The following RASAL2 variants were observed in gnomAD, a reference collection of about 807,000 sequenced individuals.
RASAL2 encodes the protein ras GTPase-activating protein nGAP.
A neutral mutation model predicts 128.9 loss-of-function variants in RASAL2; 58 were observed. That is an observed-to-expected ratio of 0.45 (90% CI 0.36 to 0.56). The LOEUF (loss-of-function observed/expected upper bound fraction) is 0.56. RASAL2 is among the 20% of genes least tolerant of loss of function. The pLI is 0.00. For synonymous variants in RASAL2, 561 were observed against 580.8 expected (o/e 0.97, Z 0.49); for missense variants, 1,360 against 1,601.6 (o/e 0.85, Z 2.57).
chr1:178,470,427 C>G (rs1211425023), intron 17 of RASAL2, among the ~76,000 whole-genome samples: 1 of 152,192 alleles, frequency 6.6e-6, no homozygotes, highest in Non-Finnish European at 1.5e-5. Flanking sequence ...GATGAGCACT[C>G]CTTTGGTGAG....
intron 1 of RASAL2, among the ~76,000 whole-genome samples, chr1:178,139,482 T>TTTTTG (rs1230781771): frequency 3.3e-5 from 5 of 152,070 alleles, no homozygotes; most frequent in Non-Finnish European, 5.9e-5. Flanking sequence ...ATAACAGTGT[T>TTTTTG]TTTGAATTTT....
intron 1 of RASAL2, among the ~76,000 whole-genome samples, chr1:178,265,963 G>A (rs1165007210): frequency 6.6e-6 from 1 of 152,052 alleles, no homozygotes; most frequent in Non-Finnish European, 1.5e-5. Flanking sequence ...CTGGTATATA[G>A]TATTTCATTT....
At chr1:178,171,657 A>G (rs1473852896) in intron 1 of RASAL2, among the ~76,000 whole-genome samples, 4 of 151,936 alleles carry the variant, frequency 2.6e-5, no homozygotes. Flanking sequence ...AGCTATTTTA[A>G]TGAGGTGGCC....
chr1:178,184,671 A>G (rs1047098613), intron 1 of RASAL2, among the ~76,000 whole-genome samples: 4 of 151,826 alleles, frequency 2.6e-5, no homozygotes, highest in African/African-American at 9.7e-5. Flanking sequence ...ATTCTGTTTC[A>G]TTGCTTTTTC....
At chr1:178,364,263 C>T (rs1671282220) in intron 3 of RASAL2, among the ~76,000 whole-genome samples, 1 of 152,042 alleles carries the variant, frequency 6.6e-6, no homozygotes, top group South Asian at 2.1e-4. Flanking sequence ...CCCTTCATAC[C>T]TCACCCAAAA....
intron 5 of RASAL2, among the ~76,000 whole-genome samples, chr1:178,424,489 T>G (rs986373223): frequency 6.6e-6 from 1 of 152,100 alleles, no homozygotes; most frequent in Non-Finnish European, 1.5e-5. Context: ...TGAGACAGTG[T>G]CTTGTTCTGT....
chr1:178,353,021 G>A (rs964747313), intron 3 of RASAL2, among the ~76,000 whole-genome samples: 2 of 152,236 alleles, frequency 1.3e-5, no homozygotes, highest in Non-Finnish European at 1.5e-5. Flanking sequence ...GATGGGAGGG[G>A]CTGCTGCCAA....
chr1:178,110,311 C>A (rs1659250070), intron 1 of RASAL2, among the ~76,000 whole-genome samples: 2 of 151,712 alleles, frequency 1.3e-5, no homozygotes, highest in Admixed American at 6.6e-5. Flanking sequence ...GGATTGGTTC[C>A]AGGGTCCCAA....
intron 3 of RASAL2, among the ~76,000 whole-genome samples, chr1:178,309,898 T>C (rs1364759181): frequency 7.0e-6 from 1 of 142,842 alleles, no homozygotes; most frequent in Non-Finnish European, 1.5e-5. Context: ...GATAGAATGT[T>C]GTTACAACAG....
chr1:178,108,143 C>A (rs1456839732), intron 1 of RASAL2, among the ~76,000 whole-genome samples: 3 of 152,130 alleles, frequency 2.0e-5, no homozygotes, highest in Non-Finnish European at 2.9e-5. Context: ...TTTAACCATC[C>A]TAGTAGGTGT....
chr1:178,441,040 G>A (rs1034271734), intron 6 of RASAL2, among the ~76,000 whole-genome samples: 1 of 152,052 alleles, frequency 6.6e-6, no homozygotes, highest in African/African-American at 2.4e-5. Flanking sequence ...TGAACCATAG[G>A]CCAGTTTTAA....
At chr1:178,401,178 G>A (rs1375571930) in intron 4 of RASAL2, among the ~76,000 whole-genome samples, 1 of 152,198 alleles carries the variant, frequency 6.6e-6, no homozygotes, top group Non-Finnish European at 1.5e-5. Flanking sequence ...ATATATGGGT[G>A]ATATTCTTGA....
chr1:178,104,974 A>G (rs1659035229), intron 1 of RASAL2, among the ~76,000 whole-genome samples: 1 of 152,214 alleles, frequency 6.6e-6, no homozygotes, highest in Non-Finnish European at 1.5e-5. Flanking sequence ...TAAGAAGCAC[A>G]CAGTTGGTAA....
At chr1:178,273,282 C>T (rs530451573) in intron 1 of RASAL2, among the ~76,000 whole-genome samples, 4 of 152,204 alleles carry the variant, frequency 2.6e-5, no homozygotes, top group Non-Finnish European at 5.9e-5. Context: ...TAAACTTGGC[C>T]GTGGATATGT....
intron 4 of RASAL2, among the ~76,000 whole-genome samples, chr1:178,400,453 G>A (rs372661581): frequency 1.2e-3 from 179 of 152,174 alleles, no homozygotes; most frequent in African/African-American, 3.6e-3. Context: ...CCACGGGAGT[G>A]TACATTATCC....
intron 5 of RASAL2, among the ~76,000 whole-genome samples, chr1:178,434,568 T>C (rs1232359175): frequency 6.6e-6 from 1 of 152,112 alleles, no homozygotes; most frequent in Non-Finnish European, 1.5e-5. Flanking sequence ...CATAAATAGC[T>C]TTTTAATGTG....
At chr1:178,112,476 G>A (rs1659363999) in intron 1 of RASAL2, among the ~76,000 whole-genome samples, 2 of 151,952 alleles carry the variant, frequency 1.3e-5, no homozygotes, top group Non-Finnish European at 2.9e-5. Flanking sequence ...CTTGAACCCG[G>A]GAGGTGGAGG....
intron 1 of RASAL2, among the ~76,000 whole-genome samples, chr1:178,235,680 G>C (rs1489641839): frequency 6.6e-6 from 1 of 152,112 alleles, no homozygotes; most frequent in Non-Finnish European, 1.5e-5. Context: ...AGACTGAAAT[G>C]TACTGTTTAT....
chr1:178,428,562 C>CTA (rs959048477), intron 5 of RASAL2, among the ~76,000 whole-genome samples: 123 of 151,204 alleles, frequency 8.1e-4, no homozygotes, highest in Admixed American at 1.8e-3. Context: ...GATGTTCTCT[C>CTA]TATATATATA....
Sources: gnomAD v4.1 joint callset for allele counts (sites outside exome capture counted in the v4.1 genomes callset) on GRCh38, gnomAD v4.1.1 for gene constraint, MANE v1.5 for transcripts, NCBI Gene and HGNC (gene_info 2026-07-23, HGNC 2026-07-21) for gene names.